GALNT13: variants seen among roughly 807,000 people sequenced by gnomAD.
The protein encoded by GALNT13 is UDP-GalNAc:polypeptide N-acetylgalactosaminyltransferase 13.
In GALNT13, 28 loss-of-function variants were observed where a neutral mutation model predicts 64.2. The ratio of observed to expected loss-of-function variants is 0.44; its 90% CI spans 0.32 to 0.60. The LOEUF (loss-of-function observed/expected upper bound fraction) is 0.60. GALNT13 is among the 20% of genes least tolerant of loss of function. GALNT13 has a pLI of 0.05. For missense variants in GALNT13, 577 were observed against 669.8 expected (o/e 0.86, Z 1.53); for synonymous variants, 214 against 224.6 (o/e 0.95, Z 0.42).
chr2:153,935,776 T>C (rs1690865343), intron 2 of GALNT13, among the ~76,000 whole-genome samples: 1 of 152,234 alleles, frequency 6.6e-6, no homozygotes, highest in Admixed American at 6.5e-5. Context: ...TGCCAGGCTC[T>C]GATTCTGGAT....
the GALNT13 span, among the ~76,000 whole-genome samples, chr2:153,125,940 A>G: frequency 5.9e-5 from 9 of 152,276 alleles, 1 homozygote; most frequent in South Asian, 1.9e-3. Context: ...AGACTGGTGG[A>G]GAAAAAAGAA....
intron 1 of GALNT13, among the ~76,000 whole-genome samples, chr2:153,889,348 A>G (rs1306572178): frequency 2.0e-5 from 3 of 151,904 alleles, no homozygotes; most frequent in Non-Finnish European, 4.4e-5. Flanking sequence ...GTTCAGTATA[A>G]CTTTCTTGTT....
chr2:153,937,259 A>T (rs1167648454), intron 2 of GALNT13, among the ~76,000 whole-genome samples: 4 of 152,232 alleles, frequency 2.6e-5, no homozygotes, highest in Non-Finnish European at 4.4e-5. Flanking sequence ...TGAATGGATA[A>T]ATAAAATGTG....
At chr2:153,340,402 A>T in the GALNT13 span, among the ~76,000 whole-genome samples, 8 of 150,818 alleles carry the variant, frequency 5.3e-5, no homozygotes, top group African/African-American at 1.5e-4. Context: ...CACGCCTGTA[A>T]TCCCAGCACT....
chr2:153,555,880 T>C, the GALNT13 span, among the ~76,000 whole-genome samples: 1 of 152,188 alleles, frequency 6.6e-6, no homozygotes, highest in Non-Finnish European at 1.5e-5. Flanking sequence ...TATTAGCAAA[T>C]AACTTATTTC....
the GALNT13 span, among the ~76,000 whole-genome samples, chr2:153,568,573 A>G: frequency 3.9e-5 from 6 of 152,184 alleles, no homozygotes; most frequent in Non-Finnish European, 7.3e-5. Flanking sequence ...TGCTTCACTG[A>G]ATAAAAGTAC....
the GALNT13 span, among the ~76,000 whole-genome samples, chr2:153,270,639 T>A: frequency 6.6e-6 from 1 of 152,138 alleles, no homozygotes; most frequent in Non-Finnish European, 1.5e-5. Flanking sequence ...GGTGGGCAGA[T>A]TGCTTGAGCC....
the GALNT13 span, among the ~76,000 whole-genome samples, chr2:153,359,905 G>T: frequency 6.6e-6 from 1 of 152,070 alleles, no homozygotes; most frequent in Non-Finnish European, 1.5e-5. Context: ...AAAAATATGA[G>T]ACAGAAATGA....
intron 4 of GALNT13, among the ~76,000 whole-genome samples, chr2:154,145,048 T>TTCTCTCTCTC (rs3075862): frequency 0.087 from 9,128 of 104,856 alleles, 573 homozygotes; most frequent in Non-Finnish European, 0.13. Context: ...ATTTATGTAG[T>TTCTCTCTCTC]TCTCTCTCTC....
At chr2:154,021,372 T>G (rs916868985) in intron 3 of GALNT13, among the ~76,000 whole-genome samples, 1 of 152,188 alleles carries the variant, frequency 6.6e-6, no homozygotes, top group Non-Finnish European at 1.5e-5. Context: ...CCTCTTGTAT[T>G]TCCTTGAGCA....
the GALNT13 span, among the ~76,000 whole-genome samples, chr2:153,685,732 C>T: frequency 6.6e-6 from 1 of 152,028 alleles, no homozygotes; most frequent in Non-Finnish European, 1.5e-5. Flanking sequence ...ATCAGGATAT[C>T]GTTGCCCGTG....
At chr2:153,609,922 A>G in the GALNT13 span, among the ~76,000 whole-genome samples, 2 of 152,148 alleles carry the variant, frequency 1.3e-5, no homozygotes, top group African/African-American at 2.4e-5. Flanking sequence ...ATCCTGAGCT[A>G]GGAAACTGAG....
intron 1 of GALNT13, among the ~76,000 whole-genome samples, chr2:153,879,773 G>C (rs541696589): frequency 6.6e-6 from 1 of 152,182 alleles, no homozygotes; most frequent in East Asian, 1.9e-4. Context: ...GAAAGTGAAG[G>C]AAGAAAAGCT....
the GALNT13 span, among the ~76,000 whole-genome samples, chr2:153,751,915 C>T: frequency 7.3e-6 from 1 of 136,840 alleles, no homozygotes; most frequent in East Asian, 2.0e-4. Context: ...TCTTTCTTTC[C>T]TTCCTGTCTT....
Position 154,422,078 on chromosome 2 carries a change from T to G in GALNT13, c.1395+12996T>G, listed in dbSNP as rs550380212. The stretch of plus-strand genomic sequence containing the variant: ...CACAAATGGAATTGAAAGTCTGGAG[T>G]GGGACAGTGGAAAATTAAGTTTTAC... On this transcript the variant is annotated intron_variant, in intron 11 of 12. Transcript: ENST00000392825. Among the ~76,000 whole-genome samples the G allele has an allele frequency of 2.6e-5, 4 of 151,538 alleles. No individual in the cohort carries two copies. The East Asian group carries it at 7.8e-4, about 30-fold the overall frequency.
chr2:153,614,970 A>G, the GALNT13 span, among the ~76,000 whole-genome samples: 1 of 151,994 alleles, frequency 6.6e-6, no homozygotes, highest in South Asian at 2.1e-4. Context: ...AGTAGGTCTT[A>G]TTCCTTCCAA....
the GALNT13 span, among the ~76,000 whole-genome samples, chr2:153,418,636 C>T: frequency 6.6e-6 from 1 of 152,052 alleles, no homozygotes; most frequent in Non-Finnish European, 1.5e-5. Flanking sequence ...TCACGGATGA[C>T]CTTGACAGGA....
At chr2:153,526,166 T>TA in the GALNT13 span, among the ~76,000 whole-genome samples, 7 of 152,262 alleles carry the variant, frequency 4.6e-5, no homozygotes, top group Middle Eastern at 6.3e-3. Context: ...TGGCTGGCTT[T>TA]GCCATCTGCT....
At chr2:153,072,654 C>T in the GALNT13 span, among the ~76,000 whole-genome samples, 17 of 152,108 alleles carry the variant, frequency 1.1e-4, no homozygotes, top group East Asian at 3.3e-3. Context: ...CCTTTTTGCC[C>T]CAGCCTACCT....
Sources: allele counts gnomAD v4.1 joint callset (sites outside exome capture counted in the v4.1 genomes callset), GRCh38; gene constraint gnomAD v4.1.1; transcripts MANE v1.5; gene names NCBI Gene and HGNC (gene_info 2026-07-23, HGNC 2026-07-21).